LNX2: variants seen among roughly 807,000 people sequenced by gnomAD.
The protein encoded by LNX2 is ligand of numb-protein X 2.
LNX2 carries 35 observed loss-of-function variants against 66.2 expected under a neutral mutation model. The ratio of observed to expected loss-of-function variants is 0.53; its 90% CI spans 0.40 to 0.70. The LOEUF (loss-of-function observed/expected upper bound fraction) is 0.70, where lower values mean the gene tolerates loss of function less well. Among genes scored for constraint, LNX2 ranks in the 30% least tolerant of loss-of-function variants. LNX2 has a pLI of 0.00. For synonymous variants in LNX2, 337 were observed against 315.6 expected (o/e 1.07, Z -0.72); for missense variants, 791 against 850.8 (o/e 0.93, Z 0.87).
At chr13:27,592,398 A>G (rs919841592) in intron 1 of LNX2, among the ~76,000 whole-genome samples, 1 of 152,218 alleles carries the variant, frequency 6.6e-6, no homozygotes, top group Non-Finnish European at 1.5e-5. Context: ...GATCTGAGCA[A>G]CTGGAAAGAT....
At chr13:27,607,650 CAACA>C (rs1416378557) in intron 1 of LNX2, among the ~76,000 whole-genome samples, 2 of 152,162 alleles carry the variant, frequency 1.3e-5, no homozygotes, top group African/African-American at 4.8e-5. Flanking sequence ...TGTAAAAACT[CAACA>C]AACTCCTAGC....
rs1954941439 is a variant in LNX2, at chr13:27,546,546, A to T, written c.*1789T>A. On this transcript the variant is annotated 3_prime_UTR_variant, in exon 10 of 10. Transcript: ENST00000316334. ...AGTCAGTAGCAATGATTGTTGCTGT[A>T]TCTTATTCCAAATAGATATGTTTTT... 1 of 152,230 alleles carries T rather than the reference A, an allele frequency of 6.6e-6. No individual in the cohort carries two copies. The highest frequency in any genetic ancestry group is 2.1e-4 in the South Asian group (1 of 4,834). 9.4% of individuals were successfully genotyped at this position (152,230 alleles called of 1,614,324 possible).
rs1419360456 is a variant in LNX2 at position 27,561,654 on chromosome 13, C to T, written c.1224+759G>A. On this transcript the variant is annotated intron_variant, in intron 5 of 9. Coordinates refer to ENST00000316334, the MANE Select transcript of LNX2 (RefSeq NM_153371.4). ...TGTAAACACATTCTTCAATGACTAT[C>T]GGCCTACCCTACTTCCTGATCCTCA... 3.9e-5 allele frequency among the ~76,000 whole-genome samples: 6 copies of T among 152,300 alleles called. 1 individual carries two copies. The South Asian group carries it at 6.2e-4, about 16-fold the overall frequency.
chr13:27,576,123 A>G lies in LNX2; in HGVS notation c.407+5174T>C, dbSNP rs181562190. Among the ~76,000 whole-genome samples the G allele has an allele frequency of 1.7e-4, 26 of 152,358 alleles. No homozygotes were observed. In the East Asian group the frequency reaches 4.8e-3, roughly 28 times the overall value. The stretch of plus-strand genomic sequence containing the variant: ...AGACATAAATAAAGCAAAAGACAGA[A>G]AAACATAACAAGATATGACAATTAT... On this transcript the variant is annotated intron_variant, in intron 2 of 9. Transcript: ENST00000316334.
At chr13:27,585,249 C>T (rs1955470870) in intron 1 of LNX2, among the ~76,000 whole-genome samples, 1 of 151,794 alleles carries the variant, frequency 6.6e-6, no homozygotes, top group Non-Finnish European at 1.5e-5. Context: ...CACAGTGAAA[C>T]CCCGTCTCTA....
intron 2 of LNX2, among the ~76,000 whole-genome samples, chr13:27,580,443 G>A (rs1394055470): frequency 1.3e-5 from 2 of 152,076 alleles, no homozygotes; most frequent in Non-Finnish European, 2.9e-5. Flanking sequence ...CGAGATTACT[G>A]CAGATTTATA....
intron 2 of LNX2, among the ~76,000 whole-genome samples, chr13:27,573,151 C>T (rs532229022): frequency 6.6e-6 from 1 of 152,140 alleles, no homozygotes; most frequent in South Asian, 2.1e-4. Flanking sequence ...ACCCTATTTC[C>T]ATCCTCACCT....
At chr13:27,578,918 T>C (rs1055927532) in intron 2 of LNX2, among the ~76,000 whole-genome samples, 11 of 152,354 alleles carry the variant, frequency 7.2e-5, no homozygotes, top group South Asian at 4.1e-4. Flanking sequence ...TGTTGTTTTA[T>C]GTCAGTGTGT....
intron 1 of LNX2, among the ~76,000 whole-genome samples, chr13:27,597,826 C>A (rs767753202): frequency 2.6e-5 from 4 of 152,054 alleles, no homozygotes; most frequent in African/African-American, 9.7e-5. Context: ...CCATAACCAG[C>A]ATAGACATAT....
At chr13:27,569,660 G>A (rs1955253433) in intron 2 of LNX2, among the ~76,000 whole-genome samples, 1 of 152,182 alleles carries the variant, frequency 6.6e-6, no homozygotes, top group African/African-American at 2.4e-5. Context: ...GAAATCAGCA[G>A]TCTTCTCCCA....
chr13:27,591,400 C>A lies in LNX2; in HGVS notation c.-100-9597G>T, dbSNP rs1955545089. ...TATATGAAGCCCCTAGGATGATCAACAATGCACCTCCAATTATATTAGTTT... is the reference window on the plus strand; with the variant it reads ...TATATGAAGCCCCTAGGATGATCAAAAATGCACCTCCAATTATATTAGTTT... On this transcript the variant is annotated intron_variant, in intron 1 of 9. Transcript: ENST00000316334. Among the ~76,000 whole-genome samples the A allele has an allele frequency of 2.0e-5, 3 of 152,330 alleles. No individual in the cohort carries two copies. The South Asian group carries it at 6.2e-4, about 32-fold the overall frequency.
At chr13:27,586,570 G>C (rs916675147) in intron 1 of LNX2, among the ~76,000 whole-genome samples, 1 of 152,196 alleles carries the variant, frequency 6.6e-6, no homozygotes, top group African/African-American at 2.4e-5. Context: ...CCAACTGGGT[G>C]ACAATAATGC....
intron 1 of LNX2, among the ~76,000 whole-genome samples, chr13:27,612,516 C>A (rs757010791): frequency 3.9e-5 from 6 of 152,256 alleles, no homozygotes; most frequent in Non-Finnish European, 7.3e-5. Context: ...CCAGCATCAT[C>A]CAACAGAAAG....
chr13:27,610,025 C>G (rs1272745038), intron 1 of LNX2, among the ~76,000 whole-genome samples: 1 of 152,148 alleles, frequency 6.6e-6, no homozygotes, highest in Non-Finnish European at 1.5e-5. Flanking sequence ...AAGCCTAAAA[C>G]TGAGAAATCC....
chr13:27,556,538 T>A, intron 6 of LNX2, 125 bp from the exon 7 acceptor site: 1 of 826,280 alleles, frequency 1.2e-6, no homozygotes, highest in African/African-American at 1.7e-5. Flanking sequence ...ATTCCTTAAT[T>A]GCAAATGAAA....
At chr13:27,559,307 A>G (rs566078155) in intron 6 of LNX2, among the ~76,000 whole-genome samples, 5 of 152,190 alleles carry the variant, frequency 3.3e-5, no homozygotes, top group Admixed American at 6.5e-5. Context: ...TCTAAGCTTT[A>G]ACATAAAAAG....
chr13:27,564,137 T>C (rs1285909621), intron 4 of LNX2, among the ~76,000 whole-genome samples: 3 of 152,212 alleles, frequency 2.0e-5, no homozygotes, highest in Non-Finnish European at 4.4e-5. Flanking sequence ...ATATCACAAA[T>C]GACTTTACAA....
In LNX2 at chr13:27,556,356, G is replaced by C; in HGVS notation, c.1426C>G (p.His476Asp). Residue 476 changes from histidine (H) to aspartate (D), a missense_variant, in exon 7 of 10, where the codon CAT becomes GAT. Physicochemically the swap from His to Asp is moderately conservative, Grantham distance 81 (BLOSUM62 -1). Coordinates refer to ENST00000316334, the MANE Select transcript of LNX2 (RefSeq NM_153371.4). ...EKHITVKKEP[H>D]ESLGMTVAGG... is the part of the protein sequence containing the mutation. ...GCAACGGTCATGCCAAGGGATTCAT[G>C]TGGTTCCTTCTTTACAGTAATGTGT... 1 of 1,614,014 alleles carries C rather than the reference G, an allele frequency of 6.2e-7. No homozygotes were observed. Among genetic ancestry groups the C allele is most frequent in the Non-Finnish European group, 8.5e-7 (1 of 1,179,970 alleles).
intron 2 of LNX2, among the ~76,000 whole-genome samples, chr13:27,576,574 A>G (rs2138380799): frequency 6.6e-6 from 1 of 151,634 alleles, no homozygotes; most frequent in Non-Finnish European, 1.5e-5. Context: ...AAAAAAAAAA[A>G]AATTAGTTGG....
Sources: gnomAD v4.1 joint callset for allele counts (sites outside exome capture counted in the v4.1 genomes callset) on GRCh38, gnomAD v4.1.1 for gene constraint, MANE v1.5 for transcripts, NCBI Gene and HGNC (gene_info 2026-07-23, HGNC 2026-07-21) for gene names.